STK32A: variants seen among roughly 807,000 people sequenced by gnomAD.
The protein encoded by STK32A is serine/threonine-protein kinase 32A.
In STK32A, 41 loss-of-function variants were observed where a neutral mutation model predicts 53.2. The observed-to-expected ratio is 0.77, with a 90% CI of 0.60 to 1.00. The LOEUF is 1.00. STK32A is among the 50% of genes least tolerant of loss of function. The pLI, the probability that STK32A is intolerant of heterozygous loss-of-function variation, is 0.00. For synonymous variants in STK32A, 166 were observed against 162.8 expected, an observed-to-expected ratio of 1.02 and a Z score of -0.15; for missense variants, 458 against 485.8, an observed-to-expected ratio of 0.94 and a Z score of 0.54.
intron 2 of STK32A, among the ~76,000 whole-genome samples, chr5:147,246,619 C>T (rs931373539): frequency 1.3e-5 from 2 of 152,082 alleles, no homozygotes; most frequent in Non-Finnish European, 2.9e-5. Context: ...AGATTATAAT[C>T]GTATCTACTC....
At chr5:147,320,539 G>A (rs1353559973) in intron 4 of STK32A, among the ~76,000 whole-genome samples, 1 of 152,210 alleles carries the variant, frequency 6.6e-6, no homozygotes, top group East Asian at 1.9e-4. Flanking sequence ...GTAAAAGCAA[G>A]CATGCATCCT....
At chr5:147,255,854 C>T (rs1488602560) in intron 2 of STK32A, among the ~76,000 whole-genome samples, 1 of 152,154 alleles carries the variant, frequency 6.6e-6, no homozygotes, top group Non-Finnish European at 1.5e-5. Flanking sequence ...TGACTTAAAT[C>T]CTGCGGCTAT....
chr5:147,242,309 A>G (rs1580975362), intron 2 of STK32A, among the ~76,000 whole-genome samples: 1 of 152,170 alleles, frequency 6.6e-6, no homozygotes, highest in East Asian at 1.9e-4. Context: ...CCTACTATAA[A>G]CCTGTCACTC....
At chr5:147,378,598 C>A (rs1018800224) in intron 11 of STK32A, among the ~76,000 whole-genome samples, 3 of 152,078 alleles carry the variant, frequency 2.0e-5, no homozygotes, top group Non-Finnish European at 4.4e-5. Context: ...CCTTGTTACT[C>A]TAGAGCCAAA....
intron 4 of STK32A, among the ~76,000 whole-genome samples, chr5:147,296,823 G>A (rs1259698059): frequency 2.6e-5 from 4 of 152,086 alleles, no homozygotes; most frequent in African/African-American, 9.7e-5. Context: ...GCCCATGTCT[G>A]CCTGCCTACT....
intron 11 of STK32A, among the ~76,000 whole-genome samples, chr5:147,381,955 T>C (rs772100688): frequency 1.3e-5 from 2 of 152,104 alleles, no homozygotes; most frequent in Admixed American, 6.5e-5. Context: ...ACACTAACGA[T>C]AGCTGATGAG....
intron 1 of STK32A, among the ~76,000 whole-genome samples, chr5:147,236,089 C>T (rs940583134): frequency 3.3e-5 from 5 of 152,128 alleles, no homozygotes; most frequent in African/African-American, 1.2e-4. Context: ...AACTTTCTTG[C>T]ATCACCTCCT....
At chr5:147,299,199 G>T (rs1296038109) in intron 4 of STK32A, among the ~76,000 whole-genome samples, 2 of 151,964 alleles carry the variant, frequency 1.3e-5, no homozygotes, top group African/African-American at 2.4e-5. Context: ...GCCAAACAAG[G>T]GGTGGATTAT....
chr5:147,259,099 C>A (rs1006643732), intron 2 of STK32A, among the ~76,000 whole-genome samples: 2 of 152,082 alleles, frequency 1.3e-5, no homozygotes, highest in South Asian at 4.1e-4. Flanking sequence ...GGAACCTGTC[C>A]TGAAGGGATT....
chr5:147,331,804 T>G (rs1754885571), intron 5 of STK32A, among the ~76,000 whole-genome samples: 1 of 151,798 alleles, frequency 6.6e-6, no homozygotes, highest in East Asian at 1.9e-4. Flanking sequence ...GGATGACAGG[T>G]GAAGATGGGG....
In STK32A at chr5:147,387,252, C is replaced by G. The variant is rs536078140; in HGVS notation, c.*3269C>G. 4 of 152,234 alleles carry G rather than the reference C, an allele frequency of 2.6e-5. No homozygotes were observed. Among genetic ancestry groups the G allele is most frequent in the South Asian group, 4.1e-4 (2 of 4,826 alleles). The allele number at this position is 152,234 out of a possible 1,614,324, so 9.4% of individuals were successfully genotyped here. ...TGCCACAACCCTAATTCCAGGAAGT[C>G]GTCTGCTAATGGCTAACCCACTGCC... On this transcript the variant is annotated 3_prime_UTR_variant, in exon 13 of 13. Transcript: ENST00000397936.
chr5:147,323,979 G>A lies in STK32A; in HGVS notation c.342G>A (p.Gln114=). 1 of 1,613,046 alleles carries A rather than the reference G, an allele frequency of 6.2e-7. No homozygotes were observed. Among genetic ancestry groups the A allele is most frequent in the South Asian group, 1.1e-5 (1 of 90,672 alleles). The change falls in exon 5 of 13, where the codon CAG becomes CAA. Residue 114 remains glutamine (Q), a synonymous_variant. Transcript: ENST00000397936. The stretch of plus-strand genomic sequence containing the variant: ...GAGACCTGCGTTATCACCTGCAACA[G>A]AACGTCCACTTCAAGGAAGAAACAG... ...LGGDLRYHLQ[Q]NVHFKEETVK...
intron 2 of STK32A, among the ~76,000 whole-genome samples, chr5:147,259,996 CTCTT>C (rs544473981): frequency 6.9e-6 from 1 of 145,594 alleles, no homozygotes; most frequent in Non-Finnish European, 1.5e-5. Flanking sequence ...TGTCCTCTCT[CTCTT>C]TCTCTCTCCT....
chr5:147,290,214 A>T (rs1561696881), intron 4 of STK32A, among the ~76,000 whole-genome samples: 1 of 152,070 alleles, frequency 6.6e-6, no homozygotes, highest in Admixed American at 6.6e-5. Context: ...AGTATGAAGA[A>T]CTGTGTGTGT....
chr5:147,396,013 T>C, the STK32A span, among the ~76,000 whole-genome samples: 1 of 151,956 alleles, frequency 6.6e-6, no homozygotes, highest in Non-Finnish European at 1.5e-5. Context: ...GTTGGAGGGA[T>C]ACCGGGGAGT....
At chr5:147,265,534 A>C (rs1355273116) in intron 2 of STK32A, among the ~76,000 whole-genome samples, 1 of 152,240 alleles carries the variant, frequency 6.6e-6, no homozygotes, top group Non-Finnish European at 1.5e-5. Flanking sequence ...TAAAGTTACA[A>C]AAATGAAACA....
At chr5:147,330,445 G>C (rs1754811408) in intron 5 of STK32A, among the ~76,000 whole-genome samples, 1 of 152,192 alleles carries the variant, frequency 6.6e-6, no homozygotes, top group Admixed American at 6.5e-5. Flanking sequence ...ACAAACCATG[G>C]AACCAGCCCA....
At chr5:147,347,653 C>T (rs1755754926) in intron 6 of STK32A, among the ~76,000 whole-genome samples, 1 of 152,202 alleles carries the variant, frequency 6.6e-6, no homozygotes, top group South Asian at 2.1e-4. Flanking sequence ...CTCTAAGGCT[C>T]ACTCAAGGCC....
intron 6 of STK32A, chr5:147,343,362 C>G: frequency 2.2e-6 from 1 of 448,358 alleles, no homozygotes; most frequent in Non-Finnish European, 4.2e-6. Context: ...ACGCAATCAC[C>G]TATTTTTTAT....
Sources: allele counts gnomAD v4.1 joint callset (sites outside exome capture counted in the v4.1 genomes callset), GRCh38; gene constraint gnomAD v4.1.1; transcripts MANE v1.5; gene names NCBI Gene and HGNC (gene_info 2026-07-23, HGNC 2026-07-21).